Variants in TSHZ3 observed in about 807,000 individuals in gnomAD.
TSHZ3 encodes teashirt zinc finger homeobox 3.
TSHZ3 carries 10 observed loss-of-function variants against 64.5 expected under a neutral mutation model. The ratio of observed to expected loss-of-function variants is 0.16; its 90% CI spans 0.10 to 0.26. The LOEUF (loss-of-function observed/expected upper bound fraction) is 0.26, where lower values mean the gene tolerates loss of function less well. TSHZ3 is among the 10% of genes least tolerant of loss of function. TSHZ3 has a pLI of 1.00. For synonymous variants in TSHZ3, 608 were observed against 593.1 expected, an observed-to-expected ratio of 1.03 and a Z score of -0.36; for missense variants, 1,242 against 1,421.7, an observed-to-expected ratio of 0.87 and a Z score of 2.03.
chr19:31,325,279 C>T (rs1311645821), intron 1 of TSHZ3, among the ~76,000 whole-genome samples: 1 of 152,192 alleles, frequency 6.6e-6, no homozygotes, highest in African/African-American at 2.4e-5. Context: ...GACATGTGAA[C>T]TTAGGCTGGT....
chr19:31,165,851 G>T (rs1974443679), intron 5 of TSHZ3, among the ~76,000 whole-genome samples: 1 of 152,102 alleles, frequency 6.6e-6, no homozygotes, highest in Non-Finnish European at 1.5e-5. Context: ...TATTTGTATT[G>T]GTAAAACTGA....
rs1245475376 is a variant in TSHZ3 at position 31,275,214 on chromosome 19, G to T, written c.*1333C>A. ...CTTTCATAAGCCTAAAGATAAAGCTGCAGTGTGGGATCTTGGGAGAATAAT... is the reference window on the plus strand; with the variant it reads ...CTTTCATAAGCCTAAAGATAAAGCTTCAGTGTGGGATCTTGGGAGAATAAT... On this transcript the variant is annotated 3_prime_UTR_variant, in exon 2 of 2. Coordinates refer to ENST00000240587, the MANE Select transcript of TSHZ3 (RefSeq NM_020856.4). 6.6e-6 allele frequency: 1 copy of T among 152,576 alleles called. No homozygotes were observed. The highest frequency in any genetic ancestry group is 2.4e-5 in the African/African-American group (1 of 41,444). The allele number at this position is 152,576 out of a possible 1,614,324, so 9.5% of individuals were successfully genotyped here. A position where few individuals can be genotyped will look rare whatever the true frequency, so the allele number is the denominator to read the frequency against.
chr19:31,210,802 C>T (rs1975252216), intron 4 of TSHZ3, among the ~76,000 whole-genome samples: 3 of 152,162 alleles, frequency 2.0e-5, no homozygotes, highest in Admixed American at 1.3e-4. Context: ...TCTAAATTCA[C>T]ATTTGAAAAT....
rs1457429742 is a variant in TSHZ3, at chr19:31,230,735, T to G, written n.551-2595A>C. On this transcript the variant is annotated intron_variant and non_coding_transcript_variant, in intron 3 of 6. Transcript: ENST00000651361. ...TTTTTTTTGAGACGGAGTCTTGCTC[T>G]GTTGCCCAGGCTGGAGTGCAGTGGC... Among the ~76,000 whole-genome samples, 4 of 145,866 alleles carry G rather than the reference T, an allele frequency of 2.7e-5. No individual in the cohort carries two copies. The East Asian group carries it at 8.3e-4, about 30-fold the overall frequency.
chr19:31,243,648 C>T (rs73927321), intron 1 of TSHZ3, among the ~76,000 whole-genome samples: 2,616 of 152,192 alleles, frequency 0.017, 75 homozygotes, highest in African/African-American at 0.059. Context: ...CATGTCCCAC[C>T]GACACAGGAT....
chr19:31,278,272 C>T lies in TSHZ3; in HGVS notation c.1521G>A (p.Leu507=), dbSNP rs910297499. Residue 507 remains leucine, a synonymous_variant, in exon 2 of 2, where the codon TTG becomes TTA. Transcript: ENST00000240587. The surrounding 1 kb of genome is among the most constrained non-coding windows in gnomAD (Gnocchi z 4.7). ...KCDISSKYHY[L]TENDLEESPK... ...GACTCTCTTCTAAGTCATTTTCAGT[C>T]AAGTAATGGTATTTGGAAGAGATGT... 1.2e-6 allele frequency: 2 copies of T among 1,614,184 alleles called. No homozygotes were observed. Among genetic ancestry groups the T allele is most frequent in the Non-Finnish European group, 1.7e-6 (2 of 1,180,038 alleles).
downstream of TSHZ3, among the ~76,000 whole-genome samples, chr19:31,270,984 T>G (rs2145205699): frequency 6.6e-6 from 1 of 152,286 alleles, no homozygotes; most frequent in South Asian, 2.1e-4. Context: ...AAAACCTGGA[T>G]TTTTGGACCA....
intron 1 of TSHZ3, among the ~76,000 whole-genome samples, chr19:31,294,159 C>T (rs1305684098): frequency 1.3e-5 from 2 of 152,172 alleles, no homozygotes; most frequent in South Asian, 2.1e-4. Context: ...CTGCACTGAG[C>T]ACCTGCATGG....
In TSHZ3 at chr19:31,278,115, T is replaced by C. The variant is rs372785638; in HGVS notation, c.1678A>G (p.Met560Val). Residue 560 changes from methionine (M) to valine (V), a missense_variant, in exon 2 of 2, where the codon ATG (methionine) becomes GTG (valine). Met to Val is a conservative substitution (Grantham distance 21). Around this residue, in one of 4 missense-constraint regions of TSHZ3, gnomAD observed 550 missense variants for 545.1 expected, o/e 1.01. Coordinates refer to ENST00000240587, the MANE Select transcript of TSHZ3 (RefSeq NM_020856.4). This position sits in a 1 kb window ranked among gnomAD's most constrained non-coding sequence, Gnocchi z 4.7. ...IHAAYQLPNMMKLSLGSSGKS... is the reference protein window; with the variant it reads ...IHAAYQLPNMVKLSLGSSGKS... ...CCCGACGAGCCCAGGGACAACTTCA[T>C]CATGTTGGGAAGTTGGTAGGCGGCA... The C allele has an allele frequency of 7.0e-5, 113 of 1,614,080 alleles. No individual in the cohort carries two copies. The highest frequency in any genetic ancestry group is 8.6e-5 in the Non-Finnish European group (102 of 1,180,018).
At chr19:31,253,947 C>A (rs1431574900) in intron 1 of TSHZ3, among the ~76,000 whole-genome samples, 2 of 152,108 alleles carry the variant, frequency 1.3e-5, no homozygotes, top group Non-Finnish European at 2.9e-5. Flanking sequence ...ATCCAGCTGT[C>A]AAAGGCTGTC....
At chr19:31,280,333 G>A (rs1976339707) in intron 1 of TSHZ3, among the ~76,000 whole-genome samples, 2 of 150,590 alleles carry the variant, frequency 1.3e-5, no homozygotes, top group Non-Finnish European at 3.0e-5. Flanking sequence ...ACAAGATTTT[G>A]TGGCTTTTTT....
intron 4 of TSHZ3, among the ~76,000 whole-genome samples, chr19:31,210,546 C>A (rs539068621): frequency 6.6e-6 from 1 of 152,086 alleles, no homozygotes; most frequent in Admixed American, 6.5e-5. Flanking sequence ...GCCTGGAACA[C>A]GTTTCATGAG....
At chr19:31,288,656 C>A (rs1260132364) in intron 1 of TSHZ3, among the ~76,000 whole-genome samples, 1 of 152,208 alleles carries the variant, frequency 6.6e-6, no homozygotes, top group Non-Finnish European at 1.5e-5. Context: ...GATCCTCCCA[C>A]CTCAGCCTCC....
intron 5 of TSHZ3, among the ~76,000 whole-genome samples, chr19:31,173,849 C>T (rs1365439118): frequency 6.6e-6 from 1 of 152,154 alleles, no homozygotes; most frequent in East Asian, 1.9e-4. Context: ...GCGGGCAGAT[C>T]ATTTGAGGTT....
At chr19:31,270,832 T>C (rs1192678042), downstream of TSHZ3, among the ~76,000 whole-genome samples, 9 of 152,236 alleles carry the variant, frequency 5.9e-5, no homozygotes, top group African/African-American at 2.2e-4. Context: ...ATTGTGGATG[T>C]TAATCTCTGG....
chr19:31,241,907 C>T (rs776718389), intron 3 of TSHZ3, among the ~76,000 whole-genome samples: 3 of 152,312 alleles, frequency 2.0e-5, no homozygotes, highest in Non-Finnish European at 4.4e-5. Context: ...TGAGCTATTC[C>T]GTAAACCTGT....
chr19:31,315,689 A>G (rs1430943718), intron 1 of TSHZ3, among the ~76,000 whole-genome samples: 1 of 152,272 alleles, frequency 6.6e-6, no homozygotes, highest in Non-Finnish European at 1.5e-5. Flanking sequence ...ACGGCTGGCA[A>G]TAAAGCTGAA....
At chr19:31,295,057 G>C (rs1378322610) in intron 1 of TSHZ3, among the ~76,000 whole-genome samples, 3 of 152,150 alleles carry the variant, frequency 2.0e-5, no homozygotes, top group African/African-American at 7.2e-5. Flanking sequence ...CTATGATTAA[G>C]GGTGTTCTCA....
intron 1 of TSHZ3, among the ~76,000 whole-genome samples, chr19:31,304,964 CTG>C (rs796305039): frequency 3.9e-5 from 6 of 152,362 alleles, no homozygotes; most frequent in African/African-American, 1.4e-4. Context: ...AATTTAATAA[CTG>C]TGATCAGTTG....
Sources: gnomAD v4.1 joint callset for allele counts (sites outside exome capture counted in the v4.1 genomes callset) on GRCh38, gnomAD v4.1.1 for gene constraint, gnomAD v4.1.1 regional missense constraint, Gnocchi (gnomAD v3.1) non-coding constraint, MANE v1.5 for transcripts, NCBI Gene and HGNC (gene_info 2026-07-23, HGNC 2026-07-21) for gene names.